Variants in STAM observed in about 807,000 individuals in gnomAD.
STAM encodes the protein signal transducing adapter molecule 1.
A neutral mutation model predicts 63.4 loss-of-function variants in STAM; 16 were observed. That is an observed-to-expected ratio of 0.25 (90% CI 0.17 to 0.38). The LOEUF (loss-of-function observed/expected upper bound fraction) is 0.38, where lower values mean the gene tolerates loss of function less well. Ranked by LOEUF, STAM falls within the 10% of genes least tolerant of loss-of-function variation. The pLI is 1.00. For missense variants in STAM, 636 were observed against 657.1 expected (o/e 0.97, Z 0.35); for synonymous variants, 238 against 223.9 (o/e 1.06, Z -0.56).
chr10:17,665,899 A>C (rs1554823333), intron 2 of STAM, among the ~76,000 whole-genome samples: 2 of 152,148 alleles, frequency 1.3e-5, no homozygotes, highest in African/African-American at 2.4e-5. Context: ...GTGTGTGAGT[A>C]ACTAGTGAAG....
chr10:17,689,224 T>C lies in STAM; in HGVS notation c.444+1051T>C, dbSNP rs377570488. 4.6e-5 allele frequency among the ~76,000 whole-genome samples: 7 copies of C among 152,228 alleles called. 1 individual carries two copies. In the South Asian group the frequency reaches 1.4e-3, roughly 32 times the overall value. On this transcript the variant is annotated intron_variant, in intron 5 of 13. Coordinates refer to ENST00000377524, the MANE Select transcript of STAM (RefSeq NM_003473.4). ...AAGAGGCTTAAAATATGTGCTGATT[T>C]ACTACACTGTCTTTCCCCAGTTTAT...
intron 9 of STAM, among the ~76,000 whole-genome samples, chr10:17,701,493 T>C (rs1835994586): frequency 6.6e-6 from 1 of 152,238 alleles, no homozygotes; most frequent in African/African-American, 2.4e-5. Context: ...AATTTGTTTA[T>C]ATATTGTTTG....
chr10:17,661,781 G>A (rs180864961), intron 2 of STAM, among the ~76,000 whole-genome samples: 190 of 152,164 alleles, frequency 1.2e-3, no homozygotes, highest in African/African-American at 4.4e-3. Flanking sequence ...AAGTTTTTGA[G>A]CATAGCCAAA....
rs75977793 is a variant in STAM, at chr10:17,715,197, G to A, written c.*417G>A. Reference sequence around the variant, plus strand: ...TTAACACTGTGTTAAATTAATTTACGTTGCTATTTTATTTTAATCATAAAC... The same window carrying A: ...TTAACACTGTGTTAAATTAATTTACATTGCTATTTTATTTTAATCATAAAC... On this transcript the variant is annotated 3_prime_UTR_variant, in exon 14 of 14. Transcript: ENST00000377524. 2,140 of 168,944 alleles carry A rather than the reference G, an allele frequency of 0.013. 47 individuals are homozygous for A. Among genetic ancestry groups the A allele is most frequent in the African/African-American group, 0.048 (2,033 of 42,048 alleles). 10.5% of individuals were successfully genotyped at this position (168,944 alleles called of 1,614,324 possible). A position where few individuals can be genotyped will look rare whatever the true frequency, so the allele number is the denominator to read the frequency against.
chr10:17,710,368 C>T (rs1836502714), intron 13 of STAM, among the ~76,000 whole-genome samples: 1 of 152,206 alleles, frequency 6.6e-6, no homozygotes, highest in South Asian at 2.1e-4. Context: ...CTTCTGCATT[C>T]GGGATGTGAA....
intron 2 of STAM, among the ~76,000 whole-genome samples, chr10:17,669,615 G>A (rs1424158412): frequency 5.3e-5 from 8 of 151,020 alleles, no homozygotes; most frequent in Non-Finnish European, 7.4e-5. Context: ...GTAATGTTTC[G>A]TCTGAGGTAT....
chr10:17,702,509 C>T (rs1398313274), intron 9 of STAM, among the ~76,000 whole-genome samples: 5 of 152,066 alleles, frequency 3.3e-5, no homozygotes, highest in South Asian at 2.1e-4. Context: ...ACTTAATGTC[C>T]TGGGAATCTT....
At chr10:17,708,667 CCA>C (rs782213947) in intron 12 of STAM, 107 bp from the exon 13 acceptor site, 6 of 1,138,612 alleles carry the variant, frequency 5.3e-6, no homozygotes, top group Non-Finnish European at 7.1e-6. Context: ...AAAAAGGATT[CCA>C]GAGTGGTGAT....
chr10:17,657,469 T>C (rs1554822297), intron 1 of STAM, among the ~76,000 whole-genome samples: 1 of 152,238 alleles, frequency 6.6e-6, no homozygotes, highest in Admixed American at 6.5e-5. Flanking sequence ...AGAGTAATGC[T>C]GGCCTCACAG....
At chr10:17,702,092 C>T (rs868976421) in intron 9 of STAM, among the ~76,000 whole-genome samples, 27 of 152,090 alleles carry the variant, frequency 1.8e-4, no homozygotes, top group African/African-American at 6.5e-4. Flanking sequence ...TCACTTTCAA[C>T]TATAAAAACA....
chr10:17,703,811 A>G (rs1428131639), intron 9 of STAM, among the ~76,000 whole-genome samples: 5 of 152,158 alleles, frequency 3.3e-5, no homozygotes, highest in African/African-American at 1.2e-4. Context: ...AATAAACCCT[A>G]AGAGTCCCAC....
intron 8 of STAM, 80 bp downstream of exon 8, chr10:17,696,949 G>C: frequency 8.5e-7 from 1 of 1,171,928 alleles, no homozygotes; most frequent in Non-Finnish European, 1.3e-6. Flanking sequence ...GAACTTTTTA[G>C]AGCAGTGTTG....
intron 7 of STAM, 70 bp from the exon 8 acceptor site, chr10:17,696,705 T>G: frequency 8.6e-7 from 1 of 1,169,504 alleles, no homozygotes; most frequent in African/African-American, 1.5e-5. Flanking sequence ...AGTTGAATAC[T>G]ACAAAAGATA....
intron 7 of STAM, among the ~76,000 whole-genome samples, chr10:17,696,351 T>A (rs1406874508): frequency 5.3e-5 from 8 of 152,034 alleles, no homozygotes; most frequent in African/African-American, 1.9e-4. Flanking sequence ...TCTTTGACAT[T>A]CGTTCTGTTG....
chr10:17,702,564 T>C (rs1836044475), intron 9 of STAM, among the ~76,000 whole-genome samples: 1 of 152,182 alleles, frequency 6.6e-6, no homozygotes, highest in African/African-American at 2.4e-5. Context: ...GATGTTATCT[T>C]TGAAATATGT....
intron 5 of STAM, among the ~76,000 whole-genome samples, chr10:17,690,530 C>T (rs1188643179): frequency 6.6e-6 from 1 of 151,630 alleles, no homozygotes; most frequent in Non-Finnish European, 1.5e-5. Flanking sequence ...TATTAGAAAC[C>T]CTACATGTAA....
chr10:17,695,014 A>G (rs888137012), intron 6 of STAM, 35 bp from the exon 7 acceptor site: 1 of 1,593,652 alleles, frequency 6.3e-7, no homozygotes, highest in South Asian at 1.1e-5. Context: ...GGATATAATA[A>G]CATTTTGGGT....
chr10:17,713,651 C>A (rs1836663406), intron 13 of STAM, among the ~76,000 whole-genome samples: 1 of 152,096 alleles, frequency 6.6e-6, no homozygotes, highest in East Asian at 1.9e-4. Flanking sequence ...ATTTTGAAGG[C>A]ATTATCTTCA....
At chr10:17,669,884 C>CTTTTT (rs76381388) in intron 2 of STAM, among the ~76,000 whole-genome samples, 1,320 of 120,500 alleles carry the variant, frequency 0.011, 7 homozygotes, top group Non-Finnish European at 0.016. Flanking sequence ...CTTTTCTTTT[C>CTTTTT]TTTTTTTTTT....
Sources: allele counts gnomAD v4.1 joint callset (sites outside exome capture counted in the v4.1 genomes callset), GRCh38; gene constraint gnomAD v4.1.1; transcripts MANE v1.5; gene names NCBI Gene and HGNC (gene_info 2026-07-23, HGNC 2026-07-21).